The following PINX1 variants were observed in gnomAD, a reference collection of about 807,000 sequenced individuals.
The protein encoded by PINX1 is PIN2 (TERF1) interacting telomerase inhibitor 1.
A neutral mutation model predicts 25.4 loss-of-function variants in PINX1; 34 were observed. The ratio of observed to expected loss-of-function variants is 1.34; its 90% CI spans 1.02 to 1.78. The LOEUF is 1.78. Among genes scored for constraint, PINX1 ranks in the 40% most tolerant of loss-of-function variants. PINX1 has a pLI of 0.00. For synonymous variants in PINX1, 197 were observed against 147.7 expected (o/e 1.33, Z -2.42); for missense variants, 592 against 404.9 (o/e 1.46, Z -3.97).
intron 6 of PINX1, among the ~76,000 whole-genome samples, chr8:10,780,169 AT>A (rs1801539447): frequency 1.3e-5 from 2 of 152,296 alleles, no homozygotes; most frequent in South Asian, 4.1e-4. Context: ...AAACGAGATA[AT>A]TTTAATTTTT....
chr8:10,773,675 T>A (rs577437332), intron 6 of PINX1, among the ~76,000 whole-genome samples: 61 of 152,346 alleles, frequency 4.0e-4, no homozygotes, highest in Admixed American at 3.3e-3. Context: ...TTTTCCCATA[T>A]GCCTAACCAG....
intron 6 of PINX1, among the ~76,000 whole-genome samples, chr8:10,770,479 A>T (rs1245114565): frequency 6.6e-6 from 1 of 152,178 alleles, no homozygotes; most frequent in Non-Finnish European, 1.5e-5. Context: ...CTCTTCTCGG[A>T]TGTCTACAGA....
chr8:10,779,766 A>T (rs1801523922), intron 6 of PINX1, among the ~76,000 whole-genome samples: 1 of 152,236 alleles, frequency 6.6e-6, no homozygotes, highest in Non-Finnish European at 1.5e-5. Flanking sequence ...TAAACTCAGG[A>T]TATATTTTAT....
At chr8:10,807,591 A>C (rs2129082064) in intron 6 of PINX1, among the ~76,000 whole-genome samples, 1 of 152,280 alleles carries the variant, frequency 6.6e-6, no homozygotes, top group African/African-American at 2.4e-5. Context: ...TTAAGATTCT[A>C]AAACCTTCTG....
intron 6 of PINX1, among the ~76,000 whole-genome samples, chr8:10,781,894 G>A (rs903912822): frequency 5.9e-5 from 9 of 152,064 alleles, no homozygotes; most frequent in African/African-American, 1.5e-4. Flanking sequence ...CATGTTCACC[G>A]CAGCAGTTTG....
intron 6 of PINX1, among the ~76,000 whole-genome samples, chr8:10,778,569 T>A (rs1801486889): frequency 6.6e-6 from 1 of 152,190 alleles, no homozygotes; most frequent in Non-Finnish European, 1.5e-5. Context: ...CTGGGCTGGA[T>A]TCATGGTCTA....
intron 6 of PINX1, among the ~76,000 whole-genome samples, chr8:10,797,130 G>A (rs1411634762): frequency 1.3e-5 from 2 of 152,080 alleles, no homozygotes; most frequent in Non-Finnish European, 2.9e-5. Context: ...TTGCTGCCGT[G>A]GAGGGAGAAG....
chr8:10,780,163 G>C (rs1437064780), intron 6 of PINX1, among the ~76,000 whole-genome samples: 8 of 152,110 alleles, frequency 5.3e-5, no homozygotes, highest in East Asian at 1.9e-4. Flanking sequence ...ATCTGCAAAC[G>C]AGATAATTTT....
chr8:10,824,555 C>T (rs541449146), intron 5 of PINX1, among the ~76,000 whole-genome samples: 2 of 152,260 alleles, frequency 1.3e-5, no homozygotes, highest in East Asian at 3.9e-4. Context: ...AGGCACTCAG[C>T]GGTCTCACAG....
chr8:10,813,750 A>G (rs6995541), intron 6 of PINX1, among the ~76,000 whole-genome samples: 41,701 of 152,024 alleles, frequency 0.27, 5,844 homozygotes, highest in Middle Eastern at 0.39. Flanking sequence ...AGCCCATGCC[A>G]GAAGCATGCT....
intron 6 of PINX1, among the ~76,000 whole-genome samples, chr8:10,799,525 G>C (rs1802198120): frequency 6.6e-6 from 1 of 152,186 alleles, no homozygotes; most frequent in Non-Finnish European, 1.5e-5. Flanking sequence ...ACACCTGCTT[G>C]GCTTATGGAG....
chr8:10,795,538 C>G (rs529083919), intron 6 of PINX1, among the ~76,000 whole-genome samples: 2 of 152,314 alleles, frequency 1.3e-5, no homozygotes, highest in African/African-American at 4.8e-5. Context: ...GTAGCTGGGA[C>G]TACAGGCACA....
intron 6 of PINX1, among the ~76,000 whole-genome samples, chr8:10,805,240 C>T (rs12550720): frequency 0.23 from 35,617 of 152,204 alleles, 4,294 homozygotes; most frequent in East Asian, 0.33. Context: ...CCAGCACAGA[C>T]AGCCTGCTGG....
chr8:10,809,422 C>A (rs555674399), intron 6 of PINX1, among the ~76,000 whole-genome samples: 17 of 152,214 alleles, frequency 1.1e-4, no homozygotes, highest in Non-Finnish European at 2.9e-5. Context: ...TTTAGCTCTT[C>A]TTCCTTTTAT....
intron 4 of PINX1, among the ~76,000 whole-genome samples, chr8:10,829,619 T>A (rs1171285205): frequency 2.0e-5 from 3 of 152,180 alleles, no homozygotes; most frequent in Non-Finnish European, 2.9e-5. Flanking sequence ...CTAACTCTGG[T>A]GTTTGTCTCT....
rs560350323 is a variant in PINX1, at chr8:10,767,332, C to T, written c.472-1416G>A. 8.6e-5 allele frequency among the ~76,000 whole-genome samples: 13 copies of T among 151,920 alleles called. No individual in the cohort carries two copies. In the South Asian group the frequency reaches 2.1e-3, roughly 24 times the overall value. On this transcript the variant is annotated intron_variant, in intron 6 of 6. Coordinates refer to ENST00000314787, the MANE Select transcript of PINX1 (RefSeq NM_017884.6). ...GTCCCAGTTGCAGTTCCAGCAGAAT[C>T]GATATTAATATGTATCAATGGACAA...
At chr8:10,773,969 C>T (rs1341487025) in intron 6 of PINX1, among the ~76,000 whole-genome samples, 2 of 152,254 alleles carry the variant, frequency 1.3e-5, no homozygotes, top group African/African-American at 4.8e-5. Context: ...CAGGCCTCAA[C>T]TTCTGTGAAT....
At chr8:10,766,840 G>A (rs1266814520) in intron 6 of PINX1, among the ~76,000 whole-genome samples, 1 of 152,180 alleles carries the variant, frequency 6.6e-6, no homozygotes, top group Non-Finnish European at 1.5e-5. Context: ...ATTCCTAAGG[G>A]GAGAGGCTGG....
chr8:10,801,269 C>G (rs1460038092), intron 6 of PINX1, among the ~76,000 whole-genome samples: 4 of 152,338 alleles, frequency 2.6e-5, no homozygotes, highest in African/African-American at 7.2e-5. Context: ...GCTTCCAACT[C>G]CCCTCCCATA....
Sources: gnomAD v4.1 joint callset for allele counts (sites outside exome capture counted in the v4.1 genomes callset) on GRCh38, gnomAD v4.1.1 for gene constraint, MANE v1.5 for transcripts, NCBI Gene and HGNC (gene_info 2026-07-23, HGNC 2026-07-21) for gene names.